Variants in PDGFC observed in about 807,000 individuals in gnomAD.
PDGFC encodes the protein platelet-derived growth factor C.
A neutral mutation model predicts 35.5 loss-of-function variants in PDGFC; 12 were observed. That is an observed-to-expected ratio of 0.34 (90% confidence interval 0.22 to 0.55). The LOEUF (loss-of-function observed/expected upper bound fraction) is 0.55. PDGFC is among the 20% of genes least tolerant of loss of function. The pLI is 0.91. For synonymous variants in PDGFC, 159 were observed against 148.8 expected (o/e 1.07, Z -0.50); for missense variants, 322 against 412.4 (o/e 0.78, Z 1.90).
intron 1 of PDGFC, among the ~76,000 whole-genome samples, chr4:156,952,136 T>C (rs1732098911): frequency 6.6e-6 from 1 of 151,816 alleles, no homozygotes; most frequent in Non-Finnish European, 1.5e-5. Context: ...AATACTAGTG[T>C]TTCAAATAAT....
At chr4:156,837,894 T>A (rs1729099982) in intron 2 of PDGFC, among the ~76,000 whole-genome samples, 1 of 152,076 alleles carries the variant, frequency 6.6e-6, no homozygotes, top group Non-Finnish European at 1.5e-5. Flanking sequence ...AACCAAAACA[T>A]CTCATTAGCC....
At chr4:156,822,696 G>A (rs1471635893) in intron 2 of PDGFC, among the ~76,000 whole-genome samples, 1 of 152,046 alleles carries the variant, frequency 6.6e-6, no homozygotes, top group Non-Finnish European at 1.5e-5. Flanking sequence ...AACTCATATA[G>A]GTAAGGGTAA....
At chr4:156,969,625 GA>G (rs953383811) in intron 1 of PDGFC, among the ~76,000 whole-genome samples, 2 of 151,808 alleles carry the variant, frequency 1.3e-5, no homozygotes, top group South Asian at 4.2e-4. Flanking sequence ...ATATGAAAAG[GA>G]AAAAAAATCA....
intron 1 of PDGFC, among the ~76,000 whole-genome samples, chr4:156,967,034 T>G (rs1469220079): frequency 6.6e-6 from 1 of 151,654 alleles, no homozygotes; most frequent in Non-Finnish European, 1.5e-5. Context: ...TTCTTTTTTT[T>G]TTTTTTTGTA....
intron 1 of PDGFC, among the ~76,000 whole-genome samples, chr4:156,924,574 T>A (rs1264371673): frequency 6.6e-6 from 1 of 152,124 alleles, no homozygotes; most frequent in East Asian, 1.9e-4. Context: ...CAGAAGTAGA[T>A]CTTGCAACAA....
At chr4:156,768,625 T>G (rs1730606943) in intron 4 of PDGFC, among the ~76,000 whole-genome samples, 1 of 152,076 alleles carries the variant, frequency 6.6e-6, no homozygotes, top group Non-Finnish European at 1.5e-5. Context: ...ATGCATTGAA[T>G]GATTTCCCAT....
intron 1 of PDGFC, among the ~76,000 whole-genome samples, chr4:156,905,865 T>C (rs189213539): frequency 5.5e-4 from 84 of 152,102 alleles, no homozygotes; most frequent in African/African-American, 1.9e-3. Flanking sequence ...AGCAACATAA[T>C]TGCCATGTAC....
intron 1 of PDGFC, among the ~76,000 whole-genome samples, chr4:156,966,187 T>A (rs1204819394): frequency 6.6e-6 from 1 of 152,108 alleles, no homozygotes; most frequent in Non-Finnish European, 1.5e-5. Context: ...TTGGAGGCAG[T>A]GGTGGTGAAA....
At chr4:156,779,021 A>G (rs1042388812) in intron 3 of PDGFC, 4 of 369,968 alleles carry the variant, frequency 1.1e-5, no homozygotes, top group Middle Eastern at 3.7e-4. Context: ...GGGTAACATC[A>G]CTTCTTAAAG....
intron 4 of PDGFC, among the ~76,000 whole-genome samples, chr4:156,771,999 A>C (rs1201276137): frequency 6.6e-6 from 1 of 152,186 alleles, no homozygotes; most frequent in East Asian, 1.9e-4. Context: ...TTTCTTGGCC[A>C]TGCAGAATTA....
chr4:156,804,854 G>C (rs1731717026), intron 3 of PDGFC, among the ~76,000 whole-genome samples: 1 of 151,878 alleles, frequency 6.6e-6, no homozygotes, highest in Non-Finnish European at 1.5e-5. Context: ...AATCTTTGTG[G>C]CTTTAGCTAT....
chr4:156,826,458 C>G (rs1361744357), intron 2 of PDGFC, among the ~76,000 whole-genome samples: 2 of 151,870 alleles, frequency 1.3e-5, no homozygotes, highest in Admixed American at 6.6e-5. Context: ...CCAGCTTGGC[C>G]TCTCAAAGTG....
At chr4:156,888,227 T>C (rs1246090702) in intron 1 of PDGFC, among the ~76,000 whole-genome samples, 4 of 152,158 alleles carry the variant, frequency 2.6e-5, no homozygotes, top group African/African-American at 9.7e-5. Flanking sequence ...TATAAGTTCA[T>C]GTTTTCTTTA....
chr4:156,970,888 G>A lies in PDGFC; in HGVS notation c.16C>T (p.Leu6Phe). The stretch of plus-strand genomic sequence containing the variant: ...GCCAGGGCAGATGTCAGCAGGAGAA[G>A]CCCGAAGAGGCTCATTTGGCTGACT... MSLFG[L>F]LLLTSALAGQ... The change falls in exon 1 of 6, where the codon CTT (leucine) becomes TTT (phenylalanine). Residue 6 changes from leucine to phenylalanine, a missense_variant. By Grantham distance (22) the Leu-to-Phe change is conservative. Around this residue, in one of 2 missense-constraint regions of PDGFC, gnomAD observed 120 missense variants for 116.6 expected, o/e 1.03. Coordinates refer to ENST00000502773, the MANE Select transcript of PDGFC (RefSeq NM_016205.3). 6.2e-7 allele frequency: 1 copy of A among 1,612,800 alleles called. No individual in the cohort carries two copies. Among genetic ancestry groups the A allele is most frequent in the East Asian group, 2.2e-5 (1 of 44,844 alleles).
intron 3 of PDGFC, among the ~76,000 whole-genome samples, chr4:156,773,207 A>G (rs535532115): frequency 1.3e-5 from 2 of 152,324 alleles, no homozygotes; most frequent in East Asian, 3.9e-4. Context: ...ACTATAATAC[A>G]GTTTACCAAA....
chr4:156,824,385 C>CAT (rs200869297), intron 2 of PDGFC, among the ~76,000 whole-genome samples: 19 of 133,938 alleles, frequency 1.4e-4, no homozygotes, highest in African/African-American at 7.3e-4. Context: ...TACATACATA[C>CAT]ACACACATAT....
chr4:156,833,794 G>A (rs1015725289), intron 2 of PDGFC, among the ~76,000 whole-genome samples: 1 of 152,148 alleles, frequency 6.6e-6, no homozygotes, highest in African/African-American at 2.4e-5. Context: ...CAGCCTGTAA[G>A]TAAGCTTCCT....
intron 3 of PDGFC, among the ~76,000 whole-genome samples, chr4:156,787,390 T>G (rs1731157425): frequency 6.6e-6 from 1 of 152,152 alleles, no homozygotes; most frequent in African/African-American, 2.4e-5. Flanking sequence ...AATTTAGCAA[T>G]ACGTCATCAT....
chr4:156,834,194 T>G (rs1357753850), intron 2 of PDGFC, among the ~76,000 whole-genome samples: 1 of 152,224 alleles, frequency 6.6e-6, no homozygotes, highest in Non-Finnish European at 1.5e-5. Context: ...TTGAGACATG[T>G]AAACAAATAT....
Sources: allele counts gnomAD v4.1 joint callset (sites outside exome capture counted in the v4.1 genomes callset), GRCh38; gene constraint gnomAD v4.1.1; regional missense constraint gnomAD v4.1.1; transcripts MANE v1.5; gene names NCBI Gene and HGNC (gene_info 2026-07-23, HGNC 2026-07-21).